The following CMIP variants were observed in gnomAD, a reference collection of about 807,000 sequenced individuals.
The protein encoded by CMIP is c-Maf inducing protein.
Under a neutral mutation model 97.3 loss-of-function variants are expected in CMIP, and 13 were observed. The ratio of observed to expected loss-of-function variants is 0.13; its 90% CI spans 0.09 to 0.21. The LOEUF (loss-of-function observed/expected upper bound fraction) is 0.21, where lower values mean the gene tolerates loss of function less well. CMIP is among the 10% of genes least tolerant of loss of function. The pLI, the probability that CMIP is intolerant of heterozygous loss-of-function variation, is 1.00. For missense variants in CMIP, 847 were observed against 1,024.9 expected, an observed-to-expected ratio of 0.83 and a Z score of 2.37; for synonymous variants, 538 against 436.3, an observed-to-expected ratio of 1.23 and a Z score of -2.91.
At chr16:81,626,335 CTGTGTGTGG>C (rs2092062524) in intron 3 of CMIP, among the ~76,000 whole-genome samples, 1 of 149,598 alleles carries the variant, frequency 6.7e-6, no homozygotes, top group East Asian at 2.0e-4. Flanking sequence ...ACTGGTGTGT[CTGTGTGTGG>C]TGTGTGAGGT....
At chr16:81,532,542 G>A (rs12932755) in intron 1 of CMIP, among the ~76,000 whole-genome samples, 59,969 of 151,962 alleles carry the variant, frequency 0.39, 13,013 homozygotes, top group Non-Finnish European at 0.49. Context: ...TGTTGCCCTC[G>A]CTCAGTCTCG....
intron 7 of CMIP, among the ~76,000 whole-genome samples, chr16:81,667,791 A>AGT (rs1268856193): frequency 3.6e-4 from 37 of 102,870 alleles, no homozygotes; most frequent in Non-Finnish European, 5.9e-4. Context: ...AGAGAGAGAG[A>AGT]GAGAGAGAGT....
At chr16:81,513,622 C>G (rs1163791356) in intron 1 of CMIP, among the ~76,000 whole-genome samples, 2 of 152,322 alleles carry the variant, frequency 1.3e-5, no homozygotes, top group East Asian at 3.9e-4. Flanking sequence ...ACCCCCCGGT[C>G]CGTTCTGGCC....
intron 7 of CMIP, chr16:81,667,283 G>A (rs1048141727): frequency 2.6e-5 from 4 of 152,158 alleles, no homozygotes; most frequent in Non-Finnish European, 5.9e-5. Context: ...AAAAGGAAGC[G>A]GTTCTTTAGT....
intron 13 of CMIP, among the ~76,000 whole-genome samples, chr16:81,695,118 T>C (rs1469302609): frequency 3.9e-5 from 6 of 152,212 alleles, no homozygotes; most frequent in Non-Finnish European, 7.3e-5. Context: ...GAAATGTGCA[T>C]GAGGCCCCGA....
At chr16:81,592,740 TG>T (rs2091485365) in intron 1 of CMIP, among the ~76,000 whole-genome samples, 2 of 152,276 alleles carry the variant, frequency 1.3e-5, no homozygotes, top group Middle Eastern at 6.8e-3. Flanking sequence ...TCCATGGAAC[TG>T]GGGAGTCTTA....
intron 1 of CMIP, among the ~76,000 whole-genome samples, chr16:81,499,565 C>T (rs945392393): frequency 1.3e-5 from 2 of 152,256 alleles, no homozygotes; most frequent in Non-Finnish European, 1.5e-5. Context: ...ATGTAGCTTC[C>T]TTGTCATCCA....
At chr16:81,615,427 G>A (rs1412973981) in intron 2 of CMIP, among the ~76,000 whole-genome samples, 1 of 145,460 alleles carries the variant, frequency 6.9e-6, no homozygotes, top group Non-Finnish European at 1.5e-5. Flanking sequence ...TGTGCGTGGT[G>A]TGTGTACATT....
intron 1 of CMIP, among the ~76,000 whole-genome samples, chr16:81,600,463 CA>C (rs1336328469): frequency 6.6e-6 from 1 of 152,024 alleles, no homozygotes; most frequent in Non-Finnish European, 1.5e-5. Flanking sequence ...ACCTCAAAAA[CA>C]GTAAGTGAAA....
In CMIP at chr16:81,710,805, A is replaced by T. The variant is rs1291325182; in HGVS notation, c.*1006A>T. 2 of 152,094 alleles carry T rather than the reference A, an allele frequency of 1.3e-5. No individual in the cohort carries two copies. Among genetic ancestry groups the T allele is most frequent in the Non-Finnish European group, 2.9e-5 (2 of 68,042 alleles). 9.4% of individuals were successfully genotyped at this position (152,094 alleles called of 1,614,324 possible). A position where few individuals can be genotyped will look rare whatever the true frequency, so the allele number is the denominator to read the frequency against. On this transcript the variant is annotated 3_prime_UTR_variant, in exon 21 of 21. Coordinates refer to ENST00000537098, the MANE Select transcript of CMIP (RefSeq NM_198390.3). ...GGGAGGCTGCTAACCCGCCCTCTCC[A>T]GTCCACCCCGGTAAAAGAGCTGTTC...
At chr16:81,563,689 TATC>T (rs925572546) in intron 1 of CMIP, among the ~76,000 whole-genome samples, 5 of 152,224 alleles carry the variant, frequency 3.3e-5, no homozygotes, top group Non-Finnish European at 5.9e-5. Context: ...GTTCTCTTAT[TATC>T]ATGAGCTGTG....
chr16:81,477,935 C>T (rs961516819), intron 1 of CMIP, among the ~76,000 whole-genome samples: 1 of 152,232 alleles, frequency 6.6e-6, no homozygotes, highest in African/African-American at 2.4e-5. Context: ...AAGGTGACTT[C>T]TGCTTTCACC....
chr16:81,448,934 A>G (rs539604351), intron 1 of CMIP, among the ~76,000 whole-genome samples: 10 of 152,178 alleles, frequency 6.6e-5, no homozygotes, highest in African/African-American at 2.4e-4. Context: ...ATGGCTGGTG[A>G]TGGTCGTGTT....
Position 81,485,607 on chromosome 16 carries a change from G to A in CMIP, c.300+40066G>A, listed in dbSNP as rs182701875. Among the ~76,000 whole-genome samples, 469 of 152,296 alleles carry A rather than the reference G, an allele frequency of 3.1e-3. 1 individual carries two copies. The highest frequency in any genetic ancestry group is 3.3e-3 in the Non-Finnish European group (225 of 68,026). ...CCTCCCGACTCAGTGGGAACTGATG[G>A]CCTATTTATTTAGCTGTATGTTTAC... On this transcript the variant is annotated intron_variant, in intron 1 of 20. Coordinates refer to ENST00000537098, the MANE Select transcript of CMIP (RefSeq NM_198390.3).
chr16:81,499,822 G>T (rs770915431), intron 1 of CMIP, among the ~76,000 whole-genome samples: 1 of 152,250 alleles, frequency 6.6e-6, no homozygotes, highest in Non-Finnish European at 1.5e-5. Flanking sequence ...CCAGCAACTC[G>T]CAGTTGTTGC....
At chr16:81,643,565 A>G (rs538681181) in intron 3 of CMIP, among the ~76,000 whole-genome samples, 1 of 152,226 alleles carries the variant, frequency 6.6e-6, no homozygotes, top group Admixed American at 6.5e-5. Flanking sequence ...CAAGGCGGGC[A>G]GATCATCTGA....
At chr16:81,580,020 C>G (rs1349021650) in intron 1 of CMIP, among the ~76,000 whole-genome samples, 1 of 152,236 alleles carries the variant, frequency 6.6e-6, no homozygotes, top group Non-Finnish European at 1.5e-5. Context: ...GCTAGGATAA[C>G]TGTGGCTCAA....
Position 81,711,124 on chromosome 16 carries a change from C to CT in CMIP, c.*1330dup, listed in dbSNP as rs1567681809. The CT allele has an allele frequency of 6.6e-6, 1 of 150,502 alleles. No individual in the cohort carries two copies. Among genetic ancestry groups the CT allele is most frequent in the African/African-American group, 2.4e-5 (1 of 40,920 alleles). 9.3% of individuals were successfully genotyped at this position (150,502 alleles called of 1,614,324 possible). A position where few individuals can be genotyped will look rare whatever the true frequency, so the allele number is the denominator to read the frequency against. ...CTCCGTTTCTTTTATAAACAGTCGG[C>CT]TTTTTCTTAATAAGCCCTCACTGTA... On this transcript the variant is annotated 3_prime_UTR_variant, in exon 21 of 21. Transcript: ENST00000537098.
chr16:81,515,258 C>G (rs567782134), intron 1 of CMIP, among the ~76,000 whole-genome samples: 2 of 152,360 alleles, frequency 1.3e-5, no homozygotes, highest in African/African-American at 4.8e-5. Flanking sequence ...GCTGAACCCT[C>G]TCACCTGTCA....
Sources: allele counts gnomAD v4.1 joint callset (sites outside exome capture counted in the v4.1 genomes callset), GRCh38; gene constraint gnomAD v4.1.1; transcripts MANE v1.5; gene names NCBI Gene and HGNC (gene_info 2026-07-23, HGNC 2026-07-21).